The following CPNE4 variants were observed in gnomAD, a reference collection of about 807,000 sequenced individuals.
The protein encoded by CPNE4 is copine-4.
In CPNE4, 25 loss-of-function variants were observed where a neutral mutation model predicts 67.9. The observed-to-expected ratio is 0.37, with a 90% CI of 0.27 to 0.51. The LOEUF (loss-of-function observed/expected upper bound fraction) is 0.51. CPNE4 is among the 20% of genes least tolerant of loss of function. CPNE4 has a pLI of 0.93. For missense variants in CPNE4, 464 were observed against 690.8 expected (o/e 0.67, Z 3.68); for synonymous variants, 242 against 244.9 (o/e 0.99, Z 0.11).
At chr3:131,899,861 G>A (rs1560565097) in intron 2 of CPNE4, among the ~76,000 whole-genome samples, 1 of 152,036 alleles carries the variant, frequency 6.6e-6, no homozygotes, top group East Asian at 1.9e-4. Context: ...ATACATGAAA[G>A]GGTGCTGGCC....
At chr3:131,702,268 C>T (rs73218453) in intron 3 of CPNE4, among the ~76,000 whole-genome samples, 4,786 of 152,264 alleles carry the variant, frequency 0.031, 112 homozygotes, top group East Asian at 0.1. Context: ...TATTATGTTA[C>T]AGATGCTTTA....
chr3:132,036,312 TA>T (rs773587944), upstream of CPNE4, among the ~76,000 whole-genome samples: 4 of 152,068 alleles, frequency 2.6e-5, no homozygotes, highest in Admixed American at 1.3e-4. Flanking sequence ...GACCTTTGGA[TA>T]TGGAATTACA....
At chr3:131,859,678 G>A (rs940702688) in intron 2 of CPNE4, among the ~76,000 whole-genome samples, 8 of 152,140 alleles carry the variant, frequency 5.3e-5, no homozygotes, top group Non-Finnish European at 1.2e-4. Flanking sequence ...CACCAATGGT[G>A]TCCACAAGAT....
At chr3:131,628,878 G>GA (rs1553742336) in intron 7 of CPNE4, among the ~76,000 whole-genome samples, 1 of 146,948 alleles carries the variant, frequency 6.8e-6, no homozygotes, top group Non-Finnish European at 1.5e-5. Context: ...TTTTTGAAGG[G>GA]TTTTTTGTGT....
chr3:131,754,313 G>C (rs2082703154), intron 2 of CPNE4, among the ~76,000 whole-genome samples: 1 of 151,638 alleles, frequency 6.6e-6, no homozygotes, highest in Admixed American at 6.6e-5. Context: ...ATTTACATTT[G>C]AATAGGAATA....
At chr3:131,957,292 A>G (rs567382736) in intron 1 of CPNE4, among the ~76,000 whole-genome samples, 1 of 152,388 alleles carries the variant, frequency 6.6e-6, no homozygotes, top group East Asian at 1.9e-4. Flanking sequence ...TGGAACAAAA[A>G]TAATAGCTTC....
chr3:131,700,084 C>G, intron 3 of CPNE4, 104 bp from the exon 4 acceptor site: 1 of 471,628 alleles, frequency 2.1e-6, no homozygotes. Flanking sequence ...TTTTACAAAA[C>G]TCTGCATTCA....
intron 2 of CPNE4, among the ~76,000 whole-genome samples, chr3:131,882,966 C>T (rs1436138374): frequency 6.6e-6 from 1 of 152,110 alleles, no homozygotes; most frequent in African/African-American, 2.4e-5. Flanking sequence ...ATCCGTCTGA[C>T]TCGGGCTCCC....
At chr3:131,938,829 T>C (rs887572667) in intron 1 of CPNE4, among the ~76,000 whole-genome samples, 20 of 152,062 alleles carry the variant, frequency 1.3e-4, no homozygotes, top group African/African-American at 4.8e-4. Context: ...ATAAAATGGA[T>C]CAGGTTTATG....
chr3:131,884,982 T>C (rs1486683555), intron 2 of CPNE4, among the ~76,000 whole-genome samples: 1 of 151,934 alleles, frequency 6.6e-6, no homozygotes, highest in East Asian at 1.9e-4. Context: ...GTACCAAGAG[T>C]GGAGTGTTGC....
intron 1 of CPNE4, among the ~76,000 whole-genome samples, chr3:131,970,383 CA>C (rs2072470176): frequency 6.6e-6 from 1 of 152,120 alleles, no homozygotes; most frequent in Admixed American, 6.6e-5. Flanking sequence ...GTATGCTGAC[CA>C]ATACAGTGCT....
chr3:131,952,714 C>G (rs1219824024), intron 1 of CPNE4, among the ~76,000 whole-genome samples: 1 of 152,014 alleles, frequency 6.6e-6, no homozygotes, highest in Non-Finnish European at 1.5e-5. Flanking sequence ...AGCCCCTCTG[C>G]CCGGCCACCA....
upstream of CPNE4, among the ~76,000 whole-genome samples, chr3:132,036,968 A>G (rs1027174839): frequency 4.6e-5 from 7 of 152,132 alleles, no homozygotes; most frequent in Non-Finnish European, 7.3e-5. Context: ...TATATCTACA[A>G]AAATAAATCC....
chr3:131,943,869 A>C (rs529171778), intron 1 of CPNE4, among the ~76,000 whole-genome samples: 1 of 152,098 alleles, frequency 6.6e-6, no homozygotes. Flanking sequence ...AGTCCCCTCA[A>C]ACATACCAGA....
intron 7 of CPNE4, among the ~76,000 whole-genome samples, chr3:131,624,700 G>A (rs2079018727): frequency 6.6e-6 from 1 of 152,046 alleles, no homozygotes; most frequent in Non-Finnish European, 1.5e-5. Context: ...ATCTTAACAT[G>A]GAGTAATTTT....
intron 7 of CPNE4, among the ~76,000 whole-genome samples, chr3:131,599,156 G>A (rs1046744773): frequency 1.3e-5 from 2 of 152,176 alleles, no homozygotes; most frequent in Admixed American, 1.3e-4. Context: ...TTGGAATGAT[G>A]TATTTCTTTA....
At chr3:131,641,366 AT>A (rs1394347511) in intron 7 of CPNE4, among the ~76,000 whole-genome samples, 4 of 152,166 alleles carry the variant, frequency 2.6e-5, no homozygotes, top group African/African-American at 9.6e-5. Context: ...GGAATAGACA[AT>A]TCTCAAAAGA....
chr3:132,027,961 C>T (rs2107698717), intron 1 of CPNE4, among the ~76,000 whole-genome samples: 1 of 152,270 alleles, frequency 6.6e-6, no homozygotes, highest in African/African-American at 2.4e-5. Context: ...AGACCCATCA[C>T]TTAATGGTAA....
In CPNE4 at chr3:131,909,338, A is replaced by G. The variant is rs538455342; in HGVS notation, c.-1-3894T>C. 2.0e-5 allele frequency among the ~76,000 whole-genome samples: 3 copies of G among 152,278 alleles called. No individual in the cohort carries two copies. The East Asian group carries it at 5.8e-4, about 29-fold the overall frequency. Reference sequence around the variant, plus strand: ...TGGCTCTATGGGAATCCTATACTCAATAAAAGCCCTCTCTTGGTCCATATA... The same window carrying G: ...TGGCTCTATGGGAATCCTATACTCAGTAAAAGCCCTCTCTTGGTCCATATA... On this transcript the variant is annotated intron_variant, in intron 1 of 15. Transcript: ENST00000429747.
Sources: gnomAD v4.1 joint callset for allele counts (sites outside exome capture counted in the v4.1 genomes callset) on GRCh38, gnomAD v4.1.1 for gene constraint, MANE v1.5 for transcripts, NCBI Gene and HGNC (gene_info 2026-07-23, HGNC 2026-07-21) for gene names.